ZDHHC15: variants seen among roughly 807,000 people sequenced by gnomAD.
ZDHHC15 encodes the protein zDHHC palmitoyltransferase 15.
Under a neutral mutation model 31.7 loss-of-function variants are expected in ZDHHC15, and 19 were observed. The observed-to-expected ratio is 0.60, with a 90% CI of 0.42 to 0.88. The LOEUF (loss-of-function observed/expected upper bound fraction) is 0.88. Among genes scored for constraint, ZDHHC15 ranks in the 40% least tolerant of loss-of-function variants. The probability of loss-of-function intolerance (pLI) is 0.00; values close to 1 mark genes in which losing one functional copy is unlikely to be tolerated. For missense variants in ZDHHC15, 209 were observed against 251.2 expected (o/e 0.83, Z 1.14); for synonymous variants, 103 against 90.0 (o/e 1.14, Z -0.82).
intron 11 of ZDHHC15, among the ~76,000 whole-genome samples, chrX:75,377,104 C>A (rs1184152336): frequency 8.9e-6 from 1 of 111,763 alleles, no homozygotes; most frequent in Non-Finnish European, 1.9e-5. Context: ...ACAAATATCA[C>A]TGTAGTAATT....
At chrX:75,484,295 G>T (rs1163733483) in intron 2 of ZDHHC15, among the ~76,000 whole-genome samples, 1 of 111,359 alleles carries the variant, frequency 9.0e-6, no homozygotes, top group Non-Finnish European at 1.9e-5. Flanking sequence ...TGCTCCATGG[G>T]GAGGAATCAG....
At position 75,431,442 on chromosome X, in the gene ZDHHC15, G is replaced by A. The variant is rs369162437; in HGVS notation, c.449+9C>T. On this transcript the variant is annotated intron_variant, in intron 5 of 11. Coordinates refer to ENST00000373367, the MANE Select transcript of ZDHHC15 (RefSeq NM_144969.3). ...AGCCCAGCCCAGGGGAAATATGGCC[G>A]TCACTTACATAGCACAGACAGAGCA... The A allele has an allele frequency of 2.7e-4, 318 of 1,199,720 alleles. No homozygotes were observed. The highest frequency in any genetic ancestry group is 3.1e-4 in the Non-Finnish European group (274 of 890,329).
At chrX:75,496,396 C>T (rs998786535) in intron 2 of ZDHHC15, among the ~76,000 whole-genome samples, 8 of 111,422 alleles carry the variant, frequency 7.2e-5, no homozygotes, top group African/African-American at 1.6e-4. Flanking sequence ...GATGGCAACA[C>T]AGCAGTAGTG....
At chrX:75,506,397 A>T (rs1569368431) in intron 1 of ZDHHC15, among the ~76,000 whole-genome samples, 3 of 111,831 alleles carry the variant, frequency 2.7e-5, no homozygotes, top group Non-Finnish European at 5.7e-5. Flanking sequence ...CTATTTCTTC[A>T]GGCCTTTCAT....
In ZDHHC15 at chrX:75,518,816, C is replaced by T. The variant is rs868517896; in HGVS notation, c.136+4073G>A. On this transcript the variant is annotated intron_variant, in intron 1 of 11. Coordinates refer to ENST00000373367, the MANE Select transcript of ZDHHC15 (RefSeq NM_144969.3). Reference sequence around the variant, plus strand: ...ATATATATATATATATACACACACACACACACACACACACACACACACACA... The same window carrying T: ...ATATATATATATATATACACACACATACACACACACACACACACACACACA... Among the ~76,000 whole-genome samples the T allele has an allele frequency of 6.7e-3, 523 of 78,094 alleles. 1 individual carries two copies. The highest frequency in any genetic ancestry group is 0.012 in the African/African-American group (233 of 19,834). The allele number at this position is 78,094 out of a possible 115,157, so 67.8% of individuals were successfully genotyped here.
chrX:75,452,394 T>C (rs1308495276), intron 3 of ZDHHC15, among the ~76,000 whole-genome samples: 1 of 110,466 alleles, frequency 9.1e-6, no homozygotes, highest in African/African-American at 3.3e-5. Flanking sequence ...ATAAAACAAG[T>C]CCTAACAGAC....
At chrX:75,456,051 CAT>C (rs942643554) in intron 3 of ZDHHC15, among the ~76,000 whole-genome samples, 2 of 111,642 alleles carry the variant, frequency 1.8e-5, no homozygotes. Flanking sequence ...GACACACACA[CAT>C]GTATGTTTAT....
At chrX:75,415,244 T>C (rs2083536750) in intron 10 of ZDHHC15, among the ~76,000 whole-genome samples, 2 of 111,781 alleles carry the variant, frequency 1.8e-5, no homozygotes, top group Admixed American at 1.9e-4. Flanking sequence ...CTATGACAGT[T>C]ATGCACAGAA....
At chrX:75,432,786 G>A (rs752724158) in intron 4 of ZDHHC15, among the ~76,000 whole-genome samples, 9 of 110,351 alleles carry the variant, frequency 8.2e-5, no homozygotes, top group African/African-American at 2.6e-4. Context: ...AGACCAGCCT[G>A]GACAACATAG....
chrX:75,413,241 TAGAA>T (rs757538152), intron 10 of ZDHHC15, among the ~76,000 whole-genome samples: 1 of 111,905 alleles, frequency 8.9e-6, no homozygotes, highest in East Asian at 2.8e-4. Flanking sequence ...CCTTTGCAAA[TAGAA>T]AGAAACATTG....
chrX:75,377,890 TCTTCC>T (rs776749925), intron 11 of ZDHHC15, among the ~76,000 whole-genome samples: 49 of 111,865 alleles, frequency 4.4e-4, no homozygotes, highest in Non-Finnish European at 7.9e-4. Flanking sequence ...AGATAATTTT[TCTTCC>T]CTTTAACATC....
intron 3 of ZDHHC15, among the ~76,000 whole-genome samples, chrX:75,452,754 A>T (rs1026065572): frequency 1.8e-5 from 2 of 112,077 alleles, no homozygotes; most frequent in African/African-American, 6.5e-5. Flanking sequence ...GCACAACTAC[A>T]TGGAAACTGA....
chrX:75,499,604 T>C lies in ZDHHC15; in HGVS notation c.163+6217A>G, dbSNP rs146080684. 7.7e-3 allele frequency among the ~76,000 whole-genome samples: 859 copies of C among 111,435 alleles called. 7 individuals are homozygous for C. The highest frequency in any genetic ancestry group is 0.027 in the African/African-American group (832 of 30,717). On this transcript the variant is annotated intron_variant, in intron 2 of 11. Coordinates refer to ENST00000373367, the MANE Select transcript of ZDHHC15 (RefSeq NM_144969.3). ...CACCTTATTCCTGCAAGAATGGCCA[T>C]AATTTAAAAATCAAAAAACAATAAA...
rs767687014 is a variant in ZDHHC15, at chrX:75,482,987, ATGTG to A, written c.164-4006_164-4003del. ...TATATATATGATCACATGTATGTAT[ATGTG>A]TGTGTATGTGTATATATATATATAT... is the stretch of plus-strand genomic sequence containing the variant. On this transcript the variant is annotated intron_variant, in intron 2 of 11. Transcript: ENST00000373367. Among the ~76,000 whole-genome samples the A allele has an allele frequency of 8.4e-5, 8 of 95,182 alleles. No homozygotes were observed. The East Asian group carries it at 2.5e-3, about 30-fold the overall frequency. The allele number at this position is 95,182 out of a possible 115,157, so 82.7% of individuals were successfully genotyped here. A position where few individuals can be genotyped will look rare whatever the true frequency, so the allele number is the denominator to read the frequency against.
intron 10 of ZDHHC15, among the ~76,000 whole-genome samples, chrX:75,395,593 G>A (rs1032908273): frequency 3.6e-5 from 4 of 111,806 alleles, no homozygotes; most frequent in African/African-American, 9.7e-5. Flanking sequence ...TTTGGAAGAA[G>A]ATTGTTAAAA....
chrX:75,442,426 C>T (rs2083955904), intron 4 of ZDHHC15, among the ~76,000 whole-genome samples: 1 of 111,869 alleles, frequency 8.9e-6, no homozygotes, highest in South Asian at 3.8e-4. Context: ...CCCAAAATCT[C>T]CTTAAGCTGA....
At chrX:75,456,218 C>T (rs1473588154) in intron 3 of ZDHHC15, among the ~76,000 whole-genome samples, 1 of 110,771 alleles carries the variant, frequency 9.0e-6, no homozygotes, top group Non-Finnish European at 1.9e-5. Flanking sequence ...ATCGATGAAG[C>T]TGGAAACCAT....
chrX:75,507,713 G>A (rs2085190083), intron 1 of ZDHHC15, among the ~76,000 whole-genome samples: 1 of 111,031 alleles, frequency 9.0e-6, no homozygotes, highest in Non-Finnish European at 1.9e-5. Flanking sequence ...ACTACTAGGG[G>A]GTAAATTATT....
intron 10 of ZDHHC15, among the ~76,000 whole-genome samples, chrX:75,410,888 C>A (rs1244332761): frequency 1.8e-5 from 2 of 112,122 alleles, no homozygotes; most frequent in Admixed American, 9.5e-5. Flanking sequence ...TATATGTACA[C>A]GATGGAATAT....
Sources: allele counts gnomAD v4.1 joint callset (sites outside exome capture counted in the v4.1 genomes callset), GRCh38; gene constraint gnomAD v4.1.1; transcripts MANE v1.5; gene names NCBI Gene and HGNC (gene_info 2026-07-23, HGNC 2026-07-21).